SLCO3A1: variants seen among roughly 807,000 people sequenced by gnomAD.
The protein encoded by SLCO3A1 is solute carrier organic anion transporter family member 3A1, also known as PGE1 transporter.
Under a neutral mutation model 63.1 loss-of-function variants are expected in SLCO3A1, and 27 were observed. That is an observed-to-expected ratio of 0.43 (90% CI 0.32 to 0.59). SLCO3A1 has a LOEUF of 0.59. SLCO3A1 is among the 20% of genes least tolerant of loss of function. The pLI, the probability that SLCO3A1 is intolerant of heterozygous loss-of-function variation, is 0.09. For missense variants in SLCO3A1, 773 were observed against 945.8 expected (o/e 0.82, Z 2.40); for synonymous variants, 473 against 409.9 (o/e 1.15, Z -1.86).
chr15:91,951,822 T>G (rs1900010142), intron 2 of SLCO3A1, among the ~76,000 whole-genome samples: 1 of 152,192 alleles, frequency 6.6e-6, no homozygotes, highest in South Asian at 2.1e-4. Context: ...CCCTAAGTAT[T>G]GGGATTATAG....
intron 2 of SLCO3A1, among the ~76,000 whole-genome samples, chr15:91,921,346 A>G (rs77325983): frequency 0.014 from 2,111 of 152,230 alleles, 51 homozygotes; most frequent in African/African-American, 0.047. Context: ...ATCTCCAAAT[A>G]TAGTCAGTCA....
Position 91,854,006 on chromosome 15 carries a change from T to C in SLCO3A1, c.98T>C (p.Val33Ala). ...AGGAACAAGAAAAAGAAAAAGAAGG[T>C]GTCCTGCTTTTCCAACATCAAGATC... Reference protein sequence around the residue: ...AQRNKKKKKKVSCFSNIKIFL... With the variant: ...AQRNKKKKKKASCFSNIKIFL... Residue 33 changes from valine to alanine, a missense_variant, in exon 1 of 10, where the codon GTG becomes GCG. Physicochemically the swap from Val to Ala is moderately conservative, Grantham distance 64 (BLOSUM62 0). Around this residue, in one of 3 missense-constraint regions of SLCO3A1, gnomAD observed 69 missense variants for 64.6 expected, o/e 1.07. Coordinates refer to ENST00000318445, the MANE Select transcript of SLCO3A1 (RefSeq NM_013272.4). This position sits in a 1 kb window ranked among gnomAD's most constrained non-coding sequence, Gnocchi z 6.4. The C allele has an allele frequency of 6.5e-7, 1 of 1,542,934 alleles. No individual in the cohort carries two copies. Among genetic ancestry groups the C allele is most frequent in the East Asian group, 2.7e-5 (1 of 37,248 alleles).
At chr15:91,891,660 G>A (rs1897874063) in intron 1 of SLCO3A1, among the ~76,000 whole-genome samples, 1 of 152,166 alleles carries the variant, frequency 6.6e-6, no homozygotes, top group African/African-American at 2.4e-5. Flanking sequence ...ACAGGGTAAT[G>A]TTTCTTTGAC....
In SLCO3A1 at chr15:92,147,022, T is replaced by G; in HGVS notation, c.1551T>G (p.Ala517=). 3 of 1,614,030 alleles carry G rather than the reference T, an allele frequency of 1.9e-6. No individual in the cohort carries two copies. Among genetic ancestry groups the G allele is most frequent in the Non-Finnish European group, 2.5e-6 (3 of 1,179,916 alleles). ...GTGCGTGCCTCACCACCGTCCCTGC[T>G]GAGAACGCAACCGTGGTTCCTGGAA... ...TGCACLTTVP[A]ENATVVPGKC... The change falls in exon 8 of 10, where the codon GCT becomes GCG. Residue 517 remains alanine (A), a synonymous_variant. Coordinates refer to ENST00000318445, the MANE Select transcript of SLCO3A1 (RefSeq NM_013272.4).
At position 91,883,316 on chromosome 15, in the gene SLCO3A1, C is replaced by CT. The variant is rs1173081331; in HGVS notation, c.180+29231dup. Among the ~76,000 whole-genome samples the CT allele has an allele frequency of 6.6e-6, 1 of 152,166 alleles. No homozygotes were observed. On this transcript the variant is annotated intron_variant, in intron 1 of 9. Coordinates refer to ENST00000318445, the MANE Select transcript of SLCO3A1 (RefSeq NM_013272.4). The surrounding 1 kb of genome is among the most constrained non-coding windows in gnomAD (Gnocchi z 4.8). The stretch of plus-strand genomic sequence containing the variant: ...TGGCACCGGGACCCTAGAATCCCCT[C>CT]TTTCTGGTTTGCTTTTTCACTCCAT...
intron 2 of SLCO3A1, among the ~76,000 whole-genome samples, chr15:92,068,678 T>G (rs1267187285): frequency 6.6e-6 from 1 of 152,204 alleles, no homozygotes; most frequent in Non-Finnish European, 1.5e-5. Flanking sequence ...ACATGCTCCT[T>G]ATTAATTAAC....
chr15:92,095,421 C>T (rs1459547608), intron 3 of SLCO3A1, among the ~76,000 whole-genome samples: 2 of 152,184 alleles, frequency 1.3e-5, no homozygotes, highest in Admixed American at 1.3e-4. Context: ...TGCAAGTGTA[C>T]AAACGGGGTC....
chr15:92,151,494 A>G (rs1028171180), intron 9 of SLCO3A1, among the ~76,000 whole-genome samples: 15 of 152,296 alleles, frequency 9.8e-5, no homozygotes, highest in African/African-American at 3.1e-4. Context: ...TGTGACCTTC[A>G]TGCTATAGGG....
At chr15:92,081,517 C>T (rs2047346184) in intron 2 of SLCO3A1, among the ~76,000 whole-genome samples, 1 of 152,038 alleles carries the variant, frequency 6.6e-6, no homozygotes, top group Non-Finnish European at 1.5e-5. Flanking sequence ...ATTACAGGTG[C>T]CCACCACCAT....
chr15:92,029,628 A>G (rs2046620970), intron 2 of SLCO3A1, among the ~76,000 whole-genome samples: 1 of 152,026 alleles, frequency 6.6e-6, no homozygotes, highest in African/African-American at 2.4e-5. Flanking sequence ...CAACCCAGGG[A>G]AAAAGTACAT....
chr15:92,125,705 G>A (rs113293723), intron 5 of SLCO3A1, among the ~76,000 whole-genome samples: 7 of 151,960 alleles, frequency 4.6e-5, no homozygotes, highest in Non-Finnish European at 7.4e-5. Flanking sequence ...TCACTGCTCC[G>A]TGATATGTAC....
chr15:92,127,120 C>G (rs962581278), intron 6 of SLCO3A1, among the ~76,000 whole-genome samples: 1 of 152,208 alleles, frequency 6.6e-6, no homozygotes, highest in Non-Finnish European at 1.5e-5. Context: ...TGTGTACAAT[C>G]CAGGCACCAT....
intron 2 of SLCO3A1, among the ~76,000 whole-genome samples, chr15:91,981,388 A>T (rs2045983656): frequency 6.6e-6 from 1 of 152,116 alleles, no homozygotes; most frequent in Non-Finnish European, 1.5e-5. Flanking sequence ...CGCGTATCTC[A>T]TCTCATCTCT....
intron 1 of SLCO3A1, among the ~76,000 whole-genome samples, chr15:91,858,120 T>C (rs1009772465): frequency 1.9e-4 from 29 of 152,236 alleles, no homozygotes; most frequent in Admixed American, 1.0e-3. Flanking sequence ...TACTCCTTTT[T>C]TTTTTCTAAA....
At chr15:91,893,794 G>A (rs924213583) in intron 1 of SLCO3A1, among the ~76,000 whole-genome samples, 13 of 152,050 alleles carry the variant, frequency 8.5e-5, no homozygotes, top group African/African-American at 3.1e-4. Context: ...CCATCTATTC[G>A]ACAAATGTTT....
chr15:92,147,529 G>A lies in SLCO3A1; in HGVS notation c.1688+370G>A, dbSNP rs557389051. Among the ~76,000 whole-genome samples, 71 of 152,242 alleles carry A rather than the reference G, an allele frequency of 4.7e-4. 1 individual carries two copies. Among genetic ancestry groups the A allele is most frequent in the Admixed American group, 7.8e-4 (12 of 15,296 alleles). ...CCACTGCTTAGCCATATGACCGTGG[G>A]CATTTTCCCCCTAGACTTGCTCCTG... is the stretch of plus-strand genomic sequence containing the variant. On this transcript the variant is annotated intron_variant, in intron 8 of 9. Transcript: ENST00000318445.
At position 91,941,162 on chromosome 15, in the gene SLCO3A1, T is replaced by C. The variant is rs538436189; in HGVS notation, c.646+24704T>C. Among the ~76,000 whole-genome samples, 1 of 152,294 alleles carries C rather than the reference T, an allele frequency of 6.6e-6. No individual in the cohort carries two copies. Among genetic ancestry groups the C allele is most frequent in the South Asian group, 2.1e-4 (1 of 4,828 alleles). On this transcript the variant is annotated intron_variant, in intron 2 of 9. Coordinates refer to ENST00000318445, the MANE Select transcript of SLCO3A1 (RefSeq NM_013272.4). This position sits in a 1 kb window ranked among gnomAD's most constrained non-coding sequence, Gnocchi z 4.4. ...AATTAATTCTGTAGGCTCCCTTGCC[T>C]GGTTGTGGGCAGCACTGCTCCAGGG... is the stretch of plus-strand genomic sequence containing the variant.
At chr15:91,972,795 A>T (rs1023304923) in intron 2 of SLCO3A1, among the ~76,000 whole-genome samples, 1 of 152,106 alleles carries the variant, frequency 6.6e-6, no homozygotes, top group African/African-American at 2.4e-5. Flanking sequence ...TTGACTGTGG[A>T]TGAACTGCCC....
chr15:92,095,042 C>T, intron 3 of SLCO3A1, 63 bp downstream of exon 3: 8 of 1,164,780 alleles, frequency 6.9e-6, no homozygotes, highest in Non-Finnish European at 1.0e-5. Context: ...ATAAATGCGG[C>T]TTCAGCCTGT....
Sources: gnomAD v4.1 joint callset for allele counts (sites outside exome capture counted in the v4.1 genomes callset) on GRCh38, gnomAD v4.1.1 for gene constraint, gnomAD v4.1.1 regional missense constraint, Gnocchi (gnomAD v3.1) non-coding constraint, MANE v1.5 for transcripts, NCBI Gene and HGNC (gene_info 2026-07-23, HGNC 2026-07-21) for gene names.